Variants in OC90 observed in about 807,000 individuals in gnomAD.
The protein encoded by OC90 is otoconin-90.
A neutral mutation model predicts 47.3 loss-of-function variants in OC90; 46 were observed. The observed-to-expected ratio is 0.97, with a 90% CI of 0.77 to 1.24. The LOEUF (loss-of-function observed/expected upper bound fraction) is 1.24. Among genes scored for constraint, OC90 ranks in the 50% most tolerant of loss-of-function variants. The probability of loss-of-function intolerance (pLI) is 0.00; values close to 1 mark genes in which losing one functional copy is unlikely to be tolerated. For synonymous variants in OC90, 271 were observed against 219.5 expected, an observed-to-expected ratio of 1.23 and a Z score of -2.07; for missense variants, 688 against 583.9, an observed-to-expected ratio of 1.18 and a Z score of -1.84.
chr8:132,049,675 T>C, intron 2 of OC90: 1 of 372,542 alleles, frequency 2.7e-6, no homozygotes, highest in Admixed American at 2.6e-5. Flanking sequence ...CTGACATACC[T>C]GAGGACTGAC....
chr8:132,031,860 G>C (rs1165366863), intron 12 of OC90, 21 bp downstream of exon 12: 1 of 1,609,684 alleles, frequency 6.2e-7, no homozygotes, highest in African/African-American at 1.3e-5. Flanking sequence ...CACCAGAGCT[G>C]TCACCGCTGG....
rs189846427 is a variant in OC90 at position 132,048,947 on chromosome 8, T to C, written c.47-3064A>G. On this transcript the variant is annotated intron_variant, in intron 2 of 13. Transcript: ENST00000254627. ...TGAGGCACCCACAGGGTGTGTGGGT[T>C]GGGAGCCTGCTCTTCCACCTGCTAA... is the stretch of plus-strand genomic sequence containing the variant. Among the ~76,000 whole-genome samples the C allele has an allele frequency of 1.5e-3, 227 of 151,680 alleles. 1 individual carries two copies. Among genetic ancestry groups the C allele is most frequent in the Non-Finnish European group, 2.9e-3 (194 of 68,030 alleles).
intron 13 of OC90, among the ~76,000 whole-genome samples, chr8:132,028,593 AGGAAGGAG>A (rs1337986831): frequency 4.6e-3 from 164 of 35,678 alleles, no homozygotes; most frequent in African/African-American, 0.012. Context: ...GAAGGAAGGA[AGGAAGGAG>A]GGAAGGAGGG....
intron 9 of OC90, among the ~76,000 whole-genome samples, chr8:132,036,836 T>C (rs1447449490): frequency 6.6e-6 from 1 of 152,250 alleles, no homozygotes; most frequent in African/African-American, 2.4e-5. Flanking sequence ...CATAGGCGTG[T>C]ATAAGCATTA....
intron 13 of OC90, among the ~76,000 whole-genome samples, chr8:132,028,607 GAGGGAAGGAGGA>G (rs376385291): frequency 0.052 from 2,854 of 55,016 alleles, 156 homozygotes; most frequent in African/African-American, 0.15. Context: ...AGGAGGGAAG[GAGGGAAGGAGGA>G]AGGAAGGAAG....
intron 12 of OC90, 127 bp downstream of exon 12, chr8:132,031,754 G>A (rs2130852560): frequency 1.4e-6 from 1 of 727,690 alleles, no homozygotes; most frequent in East Asian, 2.7e-5. Context: ...TGAGTGAGCT[G>A]CTGTGTGCAC....
At chr8:132,033,557 T>A (rs1475932665) in intron 10 of OC90, among the ~76,000 whole-genome samples, 1 of 152,112 alleles carries the variant, frequency 6.6e-6, no homozygotes, top group Non-Finnish European at 1.5e-5. Flanking sequence ...CACAACAAGG[T>A]AGGCAAGCAA....
At chr8:132,029,341 G>A (rs76866461) in intron 12 of OC90, among the ~76,000 whole-genome samples, 162 bp from the exon 13 acceptor site, 1,561 of 152,256 alleles carry the variant, frequency 0.01, 26 homozygotes, top group African/African-American at 0.036. Context: ...AAGGGCCGTC[G>A]TGTATGGTTA....
At chr8:132,058,180 CAGTG>C (rs2130867460) in intron 1 of OC90, among the ~76,000 whole-genome samples, 1 of 152,318 alleles carries the variant, frequency 6.6e-6, no homozygotes, top group East Asian at 1.9e-4. Flanking sequence ...CCCTGGGCAA[CAGTG>C]AGGATGACCC....
In OC90 at chr8:132,038,844, C is replaced by T. The variant is rs371576215; in HGVS notation, c.587-13G>A. On this transcript the variant is annotated splice_polypyrimidine_tract_variant and intron_variant, in intron 7 of 13. Coordinates refer to ENST00000254627, the MANE Select transcript of OC90 (RefSeq NM_001080399.3). ...TTGATGGTTGTCTCTGAAAAGAAAA[C>T]ACTTTGGAAAGTCTGTTGAGAGCAG... 200 of 1,613,796 alleles carry T rather than the reference C, an allele frequency of 1.2e-4. No homozygotes were observed. In the African/African-American group the frequency reaches 2.3e-3, roughly 19 times the overall value.
chr8:132,041,314 T>C (rs1318104367), intron 5 of OC90, among the ~76,000 whole-genome samples, 158 bp from the exon 6 acceptor site: 1 of 152,222 alleles, frequency 6.6e-6, no homozygotes, highest in Non-Finnish European at 1.5e-5. Context: ...AGACATAACA[T>C]AGGATCTTAA....
intron 2 of OC90, 75 bp downstream of exon 2, chr8:132,054,906 C>A: frequency 1.0e-6 from 1 of 998,616 alleles, no homozygotes. Flanking sequence ...GGGGGTGGGC[C>A]TGTTGAAGGG....
At chr8:132,051,265 C>A (rs1264080358) in intron 2 of OC90, among the ~76,000 whole-genome samples, 1 of 152,220 alleles carries the variant, frequency 6.6e-6, no homozygotes, top group Non-Finnish European at 1.5e-5. Flanking sequence ...CTGCAGCCCT[C>A]ACACTTGTCC....
chr8:132,038,055 G>A (rs559572477), intron 8 of OC90, among the ~76,000 whole-genome samples: 1 of 152,254 alleles, frequency 6.6e-6, no homozygotes, highest in African/African-American at 2.4e-5. Context: ...TCCAGCTCCA[G>A]GAGAAGGATG....
chr8:132,033,954 C>T (rs1822915523), intron 10 of OC90, among the ~76,000 whole-genome samples: 1 of 152,210 alleles, frequency 6.6e-6, no homozygotes, highest in South Asian at 2.1e-4. Context: ...CCCAAATCCA[C>T]CATATTGGTT....
intron 13 of OC90, among the ~76,000 whole-genome samples, chr8:132,026,944 A>G (rs1483826336): frequency 6.6e-6 from 1 of 152,124 alleles, no homozygotes; most frequent in South Asian, 2.1e-4. Flanking sequence ...TTCCAGCAAT[A>G]CAGAACCACA....
intron 13 of OC90, among the ~76,000 whole-genome samples, chr8:132,026,235 C>T (rs982468010): frequency 6.6e-6 from 1 of 152,050 alleles, no homozygotes; most frequent in Non-Finnish European, 1.5e-5. Flanking sequence ...AGGTTCTACA[C>T]ATACATAAGT....
At chr8:132,025,712 A>ACTTTG (rs770998910) in intron 13 of OC90, among the ~76,000 whole-genome samples, 5 of 152,184 alleles carry the variant, frequency 3.3e-5, no homozygotes, top group Non-Finnish European at 5.9e-5. Context: ...AGTGTACTTT[A>ACTTTG]CTTTGCTTCA....
Position 132,041,571 on chromosome 8 carries a change from T to G in OC90, c.298A>C (p.Thr100Pro). 2 of 1,613,412 alleles carry G rather than the reference T, an allele frequency of 1.2e-6. No homozygotes were observed. The highest frequency in any genetic ancestry group is 8.5e-7 in the Non-Finnish European group (1 of 1,179,704). ...AACCCTTCCATCTCAAACCTGCAGG[T>G]GCAACCATAGTCTTCAAAGTCTCGG... ...CPRDFEDYGC[T>P]CRFEMEGLPV... The change falls in exon 5 of 14, where the codon ACC (threonine) becomes CCC (proline). Residue 100 changes from threonine to proline, a missense_variant. Physicochemically the swap from Thr to Pro is conservative, Grantham distance 38. Transcript: ENST00000254627.
Sources: allele counts gnomAD v4.1 joint callset (sites outside exome capture counted in the v4.1 genomes callset), GRCh38; gene constraint gnomAD v4.1.1; transcripts MANE v1.5; gene names NCBI Gene and HGNC (gene_info 2026-07-23, HGNC 2026-07-21).